CERS6: variants seen among roughly 807,000 people sequenced by gnomAD.
CERS6 encodes the protein LAG1 homolog, ceramide synthase 6.
Under a neutral mutation model 56.8 loss-of-function variants are expected in CERS6, and 26 were observed. The observed-to-expected ratio is 0.46, with a 90% CI of 0.34 to 0.63. The LOEUF (loss-of-function observed/expected upper bound fraction) is 0.63. CERS6 is among the 30% of genes least tolerant of loss of function. The pLI, the probability that CERS6 is intolerant of heterozygous loss-of-function variation, is 0.01. For missense variants in CERS6, 415 were observed against 467.5 expected (o/e 0.89, Z 1.04); for synonymous variants, 164 against 173.3 (o/e 0.95, Z 0.42).
In CERS6 at chr2:168,772,276, T is replaced by G. The variant is rs1236414744; in HGVS notation, c.*2614T>G. 1.3e-5 allele frequency: 2 copies of G among 152,578 alleles called. No individual in the cohort carries two copies. The highest frequency in any genetic ancestry group is 4.8e-5 in the African/African-American group (2 of 41,474). The allele number at this position is 152,578 out of a possible 1,614,324, so 9.5% of individuals were successfully genotyped here. ...CCTTCCCAGAGTACAAAGGGGTATGTAGAAAGGATTCCAGAAGAAGTAATA... is the reference window on the plus strand; with the variant it reads ...CCTTCCCAGAGTACAAAGGGGTATGGAGAAAGGATTCCAGAAGAAGTAATA... On this transcript the variant is annotated 3_prime_UTR_variant, in exon 10 of 10. Transcript: ENST00000305747.
Position 168,496,612 on chromosome 2 carries a change from A to T in CERS6, c.170+39994A>T, listed in dbSNP as rs573626322. Among the ~76,000 whole-genome samples, 5 of 152,272 alleles carry T rather than the reference A, an allele frequency of 3.3e-5. No individual in the cohort carries two copies. In the East Asian group the frequency reaches 9.7e-4, roughly 29 times the overall value. On this transcript the variant is annotated intron_variant, in intron 1 of 9. Coordinates refer to ENST00000305747, the MANE Select transcript of CERS6 (RefSeq NM_203463.3). ...ACAACACTTTCTTACCTGCCTACTC[A>T]CAGGGTTGCTGTGGGAGTCCCATGA...
chr2:168,515,538 A>T (rs1382862181), intron 1 of CERS6, among the ~76,000 whole-genome samples: 1 of 152,194 alleles, frequency 6.6e-6, no homozygotes, highest in African/African-American at 2.4e-5. Flanking sequence ...TTCATTGCTA[A>T]ACATGCCAGC....
At chr2:168,546,682 G>T (rs1026901557) in intron 1 of CERS6, among the ~76,000 whole-genome samples, 3 of 152,076 alleles carry the variant, frequency 2.0e-5, no homozygotes, top group Non-Finnish European at 4.4e-5. Context: ...ATTAATTTGG[G>T]TAATACTTTC....
chr2:168,588,077 C>G (rs1683585955), intron 3 of CERS6, among the ~76,000 whole-genome samples: 2 of 107,854 alleles, frequency 1.9e-5, no homozygotes, highest in Admixed American at 1.2e-4. Context: ...CCATACCTGG[C>G]TAATTTTTTT....
At chr2:168,720,149 C>T (rs1041100902) in intron 8 of CERS6, among the ~76,000 whole-genome samples, 1 of 151,402 alleles carries the variant, frequency 6.6e-6, no homozygotes, top group Non-Finnish European at 1.5e-5. Context: ...AAGCTGGTCT[C>T]AAACTCCTGA....
chr2:168,549,558 C>T (rs554070828), intron 2 of CERS6, among the ~76,000 whole-genome samples: 30 of 152,260 alleles, frequency 2.0e-4, no homozygotes, highest in African/African-American at 7.2e-4. Flanking sequence ...TGGCTTGAAC[C>T]CAGGAGGCGG....
At chr2:168,490,556 C>G (rs868482472) in intron 1 of CERS6, among the ~76,000 whole-genome samples, 1 of 152,206 alleles carries the variant, frequency 6.6e-6, no homozygotes, top group African/African-American at 2.4e-5. Context: ...AGTTGTTGCT[C>G]TTTGTATTAT....
intron 8 of CERS6, among the ~76,000 whole-genome samples, chr2:168,724,442 C>G (rs1410402030): frequency 6.6e-6 from 1 of 152,104 alleles, no homozygotes; most frequent in African/African-American, 2.4e-5. Flanking sequence ...GGGCAGCCTG[C>G]TTTTATTCTC....
intron 3 of CERS6, among the ~76,000 whole-genome samples, chr2:168,615,469 AT>A (rs1316022139): frequency 1.3e-5 from 2 of 152,114 alleles, no homozygotes; most frequent in African/African-American, 2.4e-5. Context: ...TAAAAAAAAA[AT>A]GATAGAAGAA....
intron 3 of CERS6, among the ~76,000 whole-genome samples, chr2:168,599,531 G>T (rs993988324): frequency 2.0e-5 from 3 of 152,110 alleles, no homozygotes; most frequent in African/African-American, 4.8e-5. Flanking sequence ...GAGTGCTAGG[G>T]TTTATTATCT....
chr2:168,499,651 G>T (rs1694543413), intron 1 of CERS6, among the ~76,000 whole-genome samples: 1 of 152,148 alleles, frequency 6.6e-6, no homozygotes, highest in Non-Finnish European at 1.5e-5. Context: ...CAGACTCCTT[G>T]TTTGGCTAGA....
At chr2:168,664,267 C>T (rs934992670) in intron 4 of CERS6, among the ~76,000 whole-genome samples, 4 of 152,254 alleles carry the variant, frequency 2.6e-5, no homozygotes, top group Non-Finnish European at 4.4e-5. Context: ...AAGCAGGAGG[C>T]CCTTCCTTAT....
chr2:168,474,452 C>A lies in CERS6; in HGVS notation c.170+17834C>A, dbSNP rs185774864. Among the ~76,000 whole-genome samples the A allele has an allele frequency of 2.9e-3, 443 of 152,242 alleles. 3 individuals are homozygous for A. The highest frequency in any genetic ancestry group is 4.9e-3 in the Non-Finnish European group (330 of 68,012). ...AAATTATACCAATTGACATCCCTAC[C>A]AACGCAGTATGAGGAAATGCATTCC... On this transcript the variant is annotated intron_variant, in intron 1 of 9. Coordinates refer to ENST00000305747, the MANE Select transcript of CERS6 (RefSeq NM_203463.3).
intron 1 of CERS6, among the ~76,000 whole-genome samples, chr2:168,507,336 C>G (rs937994819): frequency 6.6e-6 from 1 of 152,098 alleles, no homozygotes; most frequent in Non-Finnish European, 1.5e-5. Context: ...TTTCATGTCT[C>G]TTCGAACTTC....
intron 8 of CERS6, among the ~76,000 whole-genome samples, chr2:168,744,002 T>C (rs1319628272): frequency 7.7e-5 from 10 of 130,486 alleles, no homozygotes; most frequent in African/African-American, 1.6e-4. Flanking sequence ...TTTCTTTTTT[T>C]TTTTTTTTTT....
At chr2:168,743,257 C>T (rs1318573131) in intron 8 of CERS6, among the ~76,000 whole-genome samples, 13 of 148,412 alleles carry the variant, frequency 8.8e-5, no homozygotes, top group South Asian at 6.4e-4. Context: ...TATATATATA[C>T]ACGTATGTAT....
chr2:168,491,764 G>GCTT (rs1558969966), intron 1 of CERS6, among the ~76,000 whole-genome samples: 1 of 151,720 alleles, frequency 6.6e-6, no homozygotes, highest in African/African-American at 2.4e-5. Context: ...TAATGCTATC[G>GCTT]CCTCCCCTAG....
In CERS6 at chr2:168,775,025, T is replaced by C. The variant is rs1684970588; in HGVS notation, c.*5363T>C. 1 of 152,262 alleles carries C rather than the reference T, an allele frequency of 6.6e-6. No homozygotes were observed. Among genetic ancestry groups the C allele is most frequent in the African/African-American group, 2.4e-5 (1 of 41,474 alleles). The allele number at this position is 152,262 out of a possible 1,614,324, so 9.4% of individuals were successfully genotyped here. A position where few individuals can be genotyped will look rare whatever the true frequency, so the allele number is the denominator to read the frequency against. Reference sequence around the variant, plus strand: ...GTATTGTTATTGTGTTTTGCTGATTTTTATATGAAAATATAATTATTCATT... The same window carrying C: ...GTATTGTTATTGTGTTTTGCTGATTCTTATATGAAAATATAATTATTCATT... On this transcript the variant is annotated 3_prime_UTR_variant, in exon 10 of 10. Coordinates refer to ENST00000305747, the MANE Select transcript of CERS6 (RefSeq NM_203463.3).
chr2:168,613,242 C>T (rs1574100526), intron 3 of CERS6, among the ~76,000 whole-genome samples: 2 of 152,176 alleles, frequency 1.3e-5, no homozygotes, highest in Non-Finnish European at 1.5e-5. Flanking sequence ...CCTCAGGTGC[C>T]GACGTTTGGG....
Sources: gnomAD v4.1 joint callset for allele counts (sites outside exome capture counted in the v4.1 genomes callset) on GRCh38, gnomAD v4.1.1 for gene constraint, MANE v1.5 for transcripts, NCBI Gene and HGNC (gene_info 2026-07-23, HGNC 2026-07-21) for gene names.